The following MYH4 variants were observed in gnomAD, a reference collection of about 807,000 sequenced individuals.
The protein encoded by MYH4 is myosin-4.
In MYH4, 200 loss-of-function variants were observed where a neutral mutation model predicts 229.9. The observed-to-expected ratio is 0.87, with a 90% CI of 0.78 to 0.98. MYH4 has a LOEUF of 0.98. Ranked by LOEUF, MYH4 falls within the 50% of genes least tolerant of loss-of-function variation. The pLI is 0.00. For synonymous variants in MYH4, 761 were observed against 834.6 expected, an observed-to-expected ratio of 0.91 and a Z score of 1.52; for missense variants, 2,148 against 2,332.6, an observed-to-expected ratio of 0.92 and a Z score of 1.63.
intron 30 of MYH4, among the ~76,000 whole-genome samples, chr17:10,449,953 A>C (rs1327526468): frequency 1.3e-5 from 2 of 152,172 alleles, no homozygotes; most frequent in African/African-American, 4.8e-5. Context: ...TGTAAATCTC[A>C]TGACTTGTAG....
At position 10,460,334 on chromosome 17, in the gene MYH4, G is replaced by A; in HGVS notation, c.1148-13C>T. On this transcript the variant is annotated splice_polypyrimidine_tract_variant and intron_variant, in intron 12 of 39. Transcript: ENST00000255381. ...GCTTTGTCAGCAACTGTGTGAACAA[G>A]GTGAGAATGGTGAAACTGACCATGG... is the stretch of plus-strand genomic sequence containing the variant. 6.5e-7 allele frequency: 1 copy of A among 1,547,786 alleles called. No individual in the cohort carries two copies. Among genetic ancestry groups the A allele is most frequent in the Non-Finnish European group, 8.9e-7 (1 of 1,126,956 alleles).
At chr17:10,455,100 A>G (rs2072624173) in intron 20 of MYH4, 23 bp from the exon 21 acceptor site, 1 of 1,614,092 alleles carries the variant, frequency 6.2e-7, no homozygotes, top group Non-Finnish European at 8.5e-7. Context: ...CAAGTTAAAT[A>G]TGTTATTTCC....
intron 19 of MYH4, 90 bp downstream of exon 19, chr17:10,455,523 AT>A: frequency 6.6e-7 from 1 of 1,516,574 alleles, no homozygotes. Flanking sequence ...ATTGCATGTC[AT>A]TTTTCAAGGA....
rs1180450293 is a variant in MYH4 at position 10,466,282 on chromosome 17, C to T, written c.339G>A (p.Trp113Ter). 2 of 1,613,994 alleles carry T rather than the reference C, an allele frequency of 1.2e-6. No homozygotes were observed. The highest frequency in any genetic ancestry group is 8.5e-7 in the Non-Finnish European group (1 of 1,179,974). Residue 113 changes from tryptophan (W) to a stop codon, truncating the protein, a stop_gained, in exon 4 of 40, where the codon TGG becomes TGA. Coordinates refer to ENST00000255381, the MANE Select transcript of MYH4 (RefSeq NM_017533.2). LOFTEE classifies it high-confidence loss of function. ...TTGAAAGGGTGCTCACGTAGATCAT[C>T]CAGGCTGCGTAACGCTCTTTGAGGT... ...LYNLKERYAAWMIYTYSGLFC... is the reference protein window; with the variant it reads ...LYNLKERYAA
At position 10,443,966 on chromosome 17, in the gene MYH4, T is replaced by C. The variant is rs185337831; in HGVS notation, c.5668-439A>G. ...CTTTATTATTTAGTAACATAGTTAT[T>C]TGAGAGCAAGGCATCCCACAAACTC... is the stretch of plus-strand genomic sequence containing the variant. On this transcript the variant is annotated intron_variant, in intron 39 of 39. Transcript: ENST00000255381. This position sits in a 1 kb window ranked among gnomAD's most constrained non-coding sequence, Gnocchi z 4.6. Among the ~76,000 whole-genome samples, 358 of 152,132 alleles carry C rather than the reference T, an allele frequency of 2.4e-3. 1 individual carries two copies. The highest frequency in any genetic ancestry group is 8.3e-3 in the African/African-American group (346 of 41,506).
Position 10,443,557 on chromosome 17 carries a change from A to T in MYH4, c.5668-30T>A. The T allele has an allele frequency of 6.3e-7, 1 of 1,589,594 alleles. No individual in the cohort carries two copies. ...GAACAGAGATGCATTTGAGATAACA[A>T]GAAAATTGGACATTTCCTGATTGTT... On this transcript the variant is annotated intron_variant, in intron 39 of 39. Coordinates refer to ENST00000255381, the MANE Select transcript of MYH4 (RefSeq NM_017533.2). The surrounding 1 kb of genome is among the most constrained non-coding windows in gnomAD (Gnocchi z 4.6).
Position 10,447,870 on chromosome 17 carries a change from C to T in MYH4, c.4913G>A (p.Arg1638His), listed in dbSNP as rs781618312. 1.1e-5 allele frequency: 17 copies of T among 1,613,700 alleles called. No homozygotes were observed. The highest frequency in any genetic ancestry group is 6.7e-5 in the East Asian group (3 of 44,886). ...EMEIQLNHAN[R>H]QAAEALRNLR... ...ATTCCTTAGTGCCTCAGCAGCCTGG[C>T]GGTTGGCATGGTTCAGCTGGATTTC... Residue 1638 changes from arginine (R) to histidine (H), a missense_variant, in exon 34 of 40, where the codon CGC becomes CAC. Physicochemically the swap from Arg to His is conservative, Grantham distance 29. Coordinates refer to ENST00000255381, the MANE Select transcript of MYH4 (RefSeq NM_017533.2).
intron 35 of MYH4, among the ~76,000 whole-genome samples, chr17:10,446,438 C>G (rs546061029): frequency 7.9e-5 from 12 of 152,204 alleles, no homozygotes; most frequent in African/African-American, 2.9e-4. Context: ...GCTTTTTTAA[C>G]TTACTATAAT....
At position 10,455,288 on chromosome 17, in the gene MYH4, C is replaced by A. The variant is rs1455991486; in HGVS notation, c.2182G>T (p.Val728Phe). 3 of 1,610,786 alleles carry A rather than the reference C, an allele frequency of 1.9e-6. No homozygotes were observed. Among genetic ancestry groups the A allele is most frequent in the Non-Finnish European group, 2.5e-6 (3 of 1,179,038 alleles). ...TCTGGGATAGCACTCGCATTTAGAA[C>A]CTTGTATCTGTCAGAATAAAAAGAA... ...LYADFKQRYKVLNASAIPEGQ... is the reference protein window; with the variant it reads ...LYADFKQRYKFLNASAIPEGQ... The change falls in exon 20 of 40, where the codon GTT becomes TTT. Residue 728 changes from valine (V) to phenylalanine (F), a missense_variant. Val to Phe is a conservative substitution (Grantham distance 50). Transcript: ENST00000255381.
At chr17:10,455,431 A>G in intron 19 of MYH4, 136 bp from the exon 20 acceptor site, 2 of 1,298,668 alleles carry the variant, frequency 1.5e-6, no homozygotes, top group Non-Finnish European at 2.1e-6. Context: ...TCAGTGCTTT[A>G]TTTAAAACTT....
At chr17:10,453,420 G>GT in intron 23 of MYH4, 92 bp from the exon 24 acceptor site, 1 of 1,592,456 alleles carries the variant, frequency 6.3e-7, no homozygotes, top group Non-Finnish European at 8.6e-7. Flanking sequence ...TAATGTCAGC[G>GT]TAAGATGGAA....
At chr17:10,461,791 G>A (rs1317496561) in intron 11 of MYH4, among the ~76,000 whole-genome samples, 4 of 152,168 alleles carry the variant, frequency 2.6e-5, no homozygotes, top group Non-Finnish European at 4.4e-5. Context: ...CTTTGAAAAG[G>A]CTTATAAATG....
chr17:10,459,535 T>G (rs1174924143), intron 14 of MYH4, 114 bp from the exon 15 acceptor site: 1 of 1,523,188 alleles, frequency 6.6e-7, no homozygotes, highest in Non-Finnish European at 8.9e-7. Flanking sequence ...ATTATAAACC[T>G]TCAGATTGTT....
chr17:10,455,672 T>C lies in MYH4; in HGVS notation c.2116A>G (p.Ile706Val). 6 of 1,614,142 alleles carry C rather than the reference T, an allele frequency of 3.7e-6. No homozygotes were observed. The highest frequency in any genetic ancestry group is 5.1e-6 in the Non-Finnish European group (6 of 1,179,990). Reference protein sequence around the residue: ...QLRCNGVLEGIRICRKGFPSR... With the variant: ...QLRCNGVLEGVRICRKGFPSR... ...GGGAAGCCTTTCCTGCAGATGCGGA[T>C]GCCTTCCAGCACACCGTTACACCTC... The change falls in exon 19 of 40, where the codon ATC becomes GTC. Residue 706 changes from isoleucine (I) to valine (V), a missense_variant. Ile to Val is a conservative substitution (Grantham distance 29). Transcript: ENST00000255381.
chr17:10,459,519 TATTAA>T (rs2040404065), intron 14 of MYH4, 98 bp from the exon 15 acceptor site: 1 of 1,580,870 alleles, frequency 6.3e-7, no homozygotes, highest in Non-Finnish European at 8.6e-7. Flanking sequence ...CATTTTGGTT[TATTAA>T]ATTATAAACC....
chr17:10,461,122 C>A, intron 11 of MYH4, 68 bp from the exon 12 acceptor site: 1 of 1,561,930 alleles, frequency 6.4e-7, no homozygotes. Flanking sequence ...AACACCGGGG[C>A]TGTCTCCCAC....
In MYH4 at chr17:10,452,033, G is replaced by A. The variant is rs202186253; in HGVS notation, c.3646C>T (p.Arg1216Trp). The change falls in exon 27 of 40, where the codon CGG (arginine) becomes TGG (tryptophan). Residue 1216 changes from arginine to tryptophan, a missense_variant. Arg to Trp is a moderately radical substitution (Grantham distance 101, BLOSUM62 -3). Coordinates refer to ENST00000255381, the MANE Select transcript of MYH4 (RefSeq NM_017533.2). ...TCCTTCTCCAGCTTCTGCTTGACCC[G>A]CTGAAGGCTGTCAATCTGCTCCCCA... Reference protein sequence around the residue: ...ELGEQIDSLQRVKQKLEKEKS... With the variant: ...ELGEQIDSLQWVKQKLEKEKS... 8.2e-5 allele frequency: 132 copies of A among 1,613,712 alleles called. No homozygotes were observed. Among genetic ancestry groups the A allele is most frequent in the Middle Eastern group, 1.7e-4 (1 of 6,054 alleles).
At position 10,453,589 on chromosome 17, in the gene MYH4, A is replaced by C; in HGVS notation, c.2934+54T>G. 3 of 1,612,004 alleles carry C rather than the reference A, an allele frequency of 1.9e-6. No individual in the cohort carries two copies. In the South Asian group the frequency reaches 3.3e-5, roughly 18 times the overall value. On this transcript the variant is annotated intron_variant, in intron 23 of 39. Coordinates refer to ENST00000255381, the MANE Select transcript of MYH4 (RefSeq NM_017533.2). ...TCTTAAGATTAAATTTTTAATTAAA[A>C]TACTTCAGTATCAAGGTGCTTATAA...
In MYH4 at chr17:10,447,167, T is replaced by G. The variant is rs1460737267; in HGVS notation, c.5015A>C (p.Lys1672Thr). Residue 1672 changes from lysine to threonine, a missense_variant, in exon 35 of 40, where the codon AAG becomes ACG. Lys to Thr is a moderately conservative substitution (Grantham distance 78). Transcript: ENST00000255381. ...DDAIRGQDDLKEQLAMVERRA... is the reference protein window; with the variant it reads ...DDAIRGQDDLTEQLAMVERRA... ...GCGCTCAACCATTGCCAGTTGTTCCTTAAGGTCATCTTGGCCTCTGATGGC... is the reference window on the plus strand; with the variant it reads ...GCGCTCAACCATTGCCAGTTGTTCCGTAAGGTCATCTTGGCCTCTGATGGC... 5.6e-6 allele frequency: 9 copies of G among 1,614,056 alleles called. No individual in the cohort carries two copies. Among genetic ancestry groups the G allele is most frequent in the African/African-American group, 1.3e-5 (1 of 74,934 alleles).
Sources: allele counts gnomAD v4.1 joint callset (sites outside exome capture counted in the v4.1 genomes callset), GRCh38; gene constraint gnomAD v4.1.1; non-coding constraint Gnocchi (gnomAD v3.1); transcripts MANE v1.5; gene names NCBI Gene and HGNC (gene_info 2026-07-23, HGNC 2026-07-21).